ADCY2: variants seen among roughly 807,000 people sequenced by gnomAD.
ADCY2 encodes adenylate cyclase type 2.
In ADCY2, 31 loss-of-function variants were observed where a neutral mutation model predicts 125.2. That is an observed-to-expected ratio of 0.25 (90% CI 0.19 to 0.33). ADCY2 has a LOEUF of 0.33. Ranked by LOEUF, ADCY2 falls within the 10% of genes least tolerant of loss-of-function variation. The pLI, the probability that ADCY2 is intolerant of heterozygous loss-of-function variation, is 1.00. For synonymous variants in ADCY2, 512 were observed against 548.4 expected, an observed-to-expected ratio of 0.93 and a Z score of 0.93; for missense variants, 904 against 1,418.2, an observed-to-expected ratio of 0.64 and a Z score of 5.82.
intron 4 of ADCY2, among the ~76,000 whole-genome samples, chr5:7,658,399 T>TTGTGTGTGTGTGTA (rs1554029016): frequency 3.1e-5 from 4 of 131,026 alleles, no homozygotes; most frequent in African/African-American, 1.1e-4. Context: ...GTGAAGAGAA[T>TTGTGTGTGTGTGTA]TGTGTGTGTG....
At position 7,561,279 on chromosome 5, in the gene ADCY2, T is replaced by C. The variant is rs1561095412; in HGVS notation, c.570+40380T>C. 2.0e-5 allele frequency among the ~76,000 whole-genome samples: 3 copies of C among 152,352 alleles called. No individual in the cohort carries two copies. The East Asian group carries it at 5.8e-4, about 29-fold the overall frequency. On this transcript the variant is annotated intron_variant, in intron 3 of 24. Transcript: ENST00000338316. Reference sequence around the variant, plus strand: ...AATGCATCGTTAGGCAATTTCATCATTGTGCGAACATCATAGCATGTACTT... The same window carrying C: ...AATGCATCGTTAGGCAATTTCATCACTGTGCGAACATCATAGCATGTACTT...
Position 7,397,690 on chromosome 5 carries a change from A to G in ADCY2, c.210+1184A>G, listed in dbSNP as rs538196000. On this transcript the variant is annotated intron_variant, in intron 1 of 24. Transcript: ENST00000338316. The stretch of plus-strand genomic sequence containing the variant: ...GTTATGCATGGGAAGAATTGTTACC[A>G]TCATGTTTTTAAAAAATAAAAAAAT... Among the ~76,000 whole-genome samples, 6 of 152,162 alleles carry G rather than the reference A, an allele frequency of 3.9e-5. No individual in the cohort carries two copies. The East Asian group carries it at 9.7e-4, about 24-fold the overall frequency.
intron 17 of ADCY2, among the ~76,000 whole-genome samples, chr5:7,769,279 T>C (rs1468224172): frequency 6.6e-6 from 1 of 152,118 alleles, no homozygotes; most frequent in African/African-American, 2.4e-5. Flanking sequence ...AATATGAAAA[T>C]GCAAATTTTA....
intron 17 of ADCY2, among the ~76,000 whole-genome samples, chr5:7,768,045 AAAG>A (rs1743446400): frequency 6.6e-6 from 1 of 151,114 alleles, no homozygotes; most frequent in African/African-American, 2.4e-5. Context: ...AGAAAAAAAA[AAAG>A]AAGTGGCTTC....
chr5:7,690,889 G>A (rs2126308467), intron 5 of ADCY2, 50 bp downstream of exon 5: 1 of 1,449,018 alleles, frequency 6.9e-7, no homozygotes, highest in South Asian at 1.6e-5. Flanking sequence ...TGCCTGACTG[G>A]AGACATTTTG....
intron 5 of ADCY2, chr5:7,691,938 G>T: frequency 6.5e-6 from 1 of 154,570 alleles, no homozygotes; most frequent in South Asian, 1.9e-4. Context: ...GAGAGGGAAG[G>T]GGAAGGTGTC....
chr5:7,397,001 G>T (rs1278535315), intron 1 of ADCY2, among the ~76,000 whole-genome samples: 1 of 152,218 alleles, frequency 6.6e-6, no homozygotes, highest in African/African-American at 2.4e-5. Flanking sequence ...AGTGGTTAAT[G>T]ACAAGGAAAA....
At chr5:7,466,751 A>T (rs1742134072) in intron 2 of ADCY2, among the ~76,000 whole-genome samples, 1 of 152,192 alleles carries the variant, frequency 6.6e-6, no homozygotes, top group Non-Finnish European at 1.5e-5. Flanking sequence ...TTTCAAATTG[A>T]ATCAGGGCCA....
intron 7 of ADCY2, among the ~76,000 whole-genome samples, chr5:7,704,176 A>T (rs928687785): frequency 6.6e-6 from 1 of 151,894 alleles, no homozygotes; most frequent in Admixed American, 6.6e-5. Flanking sequence ...ACCAGACAGG[A>T]ATTTTCATTT....
chr5:7,617,068 C>T (rs554978920), intron 3 of ADCY2, among the ~76,000 whole-genome samples: 7 of 152,258 alleles, frequency 4.6e-5, no homozygotes, highest in African/African-American at 1.7e-4. Flanking sequence ...GCTGTGACCT[C>T]ATGGGTGTGA....
chr5:7,524,784 C>G (rs575972305), intron 3 of ADCY2, among the ~76,000 whole-genome samples: 261 of 152,248 alleles, frequency 1.7e-3, no homozygotes, highest in African/African-American at 6.1e-3. Context: ...TGTCTCCTTA[C>G]CTATGGTGTT....
chr5:7,629,077 C>T (rs780545116), intron 4 of ADCY2, among the ~76,000 whole-genome samples: 1 of 152,152 alleles, frequency 6.6e-6, no homozygotes, highest in African/African-American at 2.4e-5. Flanking sequence ...TTCTTCATTC[C>T]GGAAGGATAT....
chr5:7,446,701 G>A (rs562852482), intron 2 of ADCY2, among the ~76,000 whole-genome samples: 2 of 152,336 alleles, frequency 1.3e-5, no homozygotes, highest in South Asian at 4.1e-4. Flanking sequence ...CTTGGTCTCA[G>A]TTCTGCTGTG....
chr5:7,735,492 A>G (rs909797576), intron 14 of ADCY2, among the ~76,000 whole-genome samples: 1 of 152,188 alleles, frequency 6.6e-6, no homozygotes, highest in African/African-American at 2.4e-5. Context: ...AAGATAAGGA[A>G]ATTCCATTTT....
chr5:7,522,858 G>A (rs1032799343), intron 3 of ADCY2, among the ~76,000 whole-genome samples: 14 of 151,274 alleles, frequency 9.3e-5, no homozygotes, highest in Non-Finnish European at 1.3e-4. Context: ...CCCAGGAGGC[G>A]GAGCTTGCAG....
rs562943093 is a variant in ADCY2, at chr5:7,528,717, C to T, written c.570+7818C>T. On this transcript the variant is annotated intron_variant, in intron 3 of 24. Coordinates refer to ENST00000338316, the MANE Select transcript of ADCY2 (RefSeq NM_020546.3). ...TTAAATGTTGGCTAGAGGCACCACT[C>T]ACTAATGTTTCACTTGGCATCTTGG... 5.3e-5 allele frequency among the ~76,000 whole-genome samples: 8 copies of T among 152,344 alleles called. No individual in the cohort carries two copies. The South Asian group carries it at 1.7e-3, about 32-fold the overall frequency.
chr5:7,599,166 A>G (rs1179004933), intron 3 of ADCY2, among the ~76,000 whole-genome samples: 1 of 152,142 alleles, frequency 6.6e-6, no homozygotes, highest in Non-Finnish European at 1.5e-5. Context: ...TTGTGCAGGG[A>G]TAGCCCGGGG....
At chr5:7,738,033 A>C (rs1742299217) in intron 14 of ADCY2, among the ~76,000 whole-genome samples, 1 of 152,236 alleles carries the variant, frequency 6.6e-6, no homozygotes, top group South Asian at 2.1e-4. Flanking sequence ...ATGCTAATGG[A>C]AGTTCCTCAA....
intron 24 of ADCY2, among the ~76,000 whole-genome samples, chr5:7,825,185 G>A (rs531767610): frequency 6.6e-6 from 1 of 151,018 alleles, no homozygotes; most frequent in East Asian, 2.0e-4. Flanking sequence ...TGTGCGCCAC[G>A]ACAACGCTGC....
Sources: allele counts gnomAD v4.1 joint callset (sites outside exome capture counted in the v4.1 genomes callset), GRCh38; gene constraint gnomAD v4.1.1; transcripts MANE v1.5; gene names NCBI Gene and HGNC (gene_info 2026-07-23, HGNC 2026-07-21).